Variants in SLC2A13 observed in about 807,000 individuals in gnomAD.
SLC2A13 encodes the protein solute carrier family 2 member 13, also known as proton myo-inositol cotransporter.
Under a neutral mutation model 64.4 loss-of-function variants are expected in SLC2A13, and 32 were observed. The observed-to-expected ratio is 0.50, with a 90% CI of 0.37 to 0.67. The LOEUF is 0.67. SLC2A13 is among the 30% of genes least tolerant of loss of function. The pLI is 0.00. For synonymous variants in SLC2A13, 338 were observed against 327.1 expected, an observed-to-expected ratio of 1.03 and a Z score of -0.36; for missense variants, 743 against 829.2, an observed-to-expected ratio of 0.90 and a Z score of 1.28.
chr12:39,965,312 T>C (rs1030282988), intron 3 of SLC2A13, among the ~76,000 whole-genome samples: 23 of 152,194 alleles, frequency 1.5e-4, no homozygotes, highest in African/African-American at 2.4e-4. Flanking sequence ...TGCTGGAACA[T>C]TAGTTTTAAT....
chr12:40,096,560 C>T (rs1161524374), intron 1 of SLC2A13, among the ~76,000 whole-genome samples: 1 of 151,758 alleles, frequency 6.6e-6, no homozygotes, highest in African/African-American at 2.4e-5. Context: ...GAAGATGAGA[C>T]CTAAATTTCA....
At position 39,756,356 on chromosome 12, in the gene SLC2A13, G is replaced by T. The variant is rs997412099; in HGVS notation, c.*3670C>A. ...GTCTTAATTTGGTAATTAAAAACTT[G>T]TCACAACAAGTGAATAAAAGTCAGT... is the stretch of plus-strand genomic sequence containing the variant. On this transcript the variant is annotated 3_prime_UTR_variant, in exon 10 of 10. Coordinates refer to ENST00000280871, the MANE Select transcript of SLC2A13 (RefSeq NM_052885.4). 2.0e-5 allele frequency: 3 copies of T among 151,824 alleles called. No homozygotes were observed. Among genetic ancestry groups the T allele is most frequent in the African/African-American group, 2.4e-5 (1 of 41,462 alleles). 9.4% of individuals were successfully genotyped at this position (151,824 alleles called of 1,614,324 possible). A position where few individuals can be genotyped will look rare whatever the true frequency, so the allele number is the denominator to read the frequency against.
chr12:39,972,207 C>T (rs1231474591), intron 3 of SLC2A13, among the ~76,000 whole-genome samples: 1 of 139,598 alleles, frequency 7.2e-6, no homozygotes, highest in African/African-American at 2.7e-5. Flanking sequence ...CACTGATGGT[C>T]AATTGTTATC....
intron 7 of SLC2A13, among the ~76,000 whole-genome samples, chr12:39,777,341 A>G (rs1292797967): frequency 2.0e-5 from 3 of 152,196 alleles, no homozygotes; most frequent in Non-Finnish European, 4.4e-5. Context: ...GATAAATAAA[A>G]TGAGTTTATT....
At chr12:39,811,291 T>C (rs1490994407) in intron 7 of SLC2A13, among the ~76,000 whole-genome samples, 1 of 152,044 alleles carries the variant, frequency 6.6e-6, no homozygotes, top group Non-Finnish European at 1.5e-5. Flanking sequence ...CATCTATTGC[T>C]TTTACATTTT....
At chr12:40,049,947 G>A (rs1041985283) in intron 1 of SLC2A13, among the ~76,000 whole-genome samples, 4 of 152,082 alleles carry the variant, frequency 2.6e-5, no homozygotes, top group Non-Finnish European at 5.9e-5. Flanking sequence ...TTACGACTTT[G>A]AGTTTCATAG....
rs374554136 is a variant in SLC2A13 at position 39,779,896 on chromosome 12, C to G, written c.1446-15038G>C. On this transcript the variant is annotated intron_variant, in intron 7 of 9. Transcript: ENST00000280871. ...CTGGCTCGTGTTTATCTGCAGGTGC[C>G]TGAGAATGAATGCAAGCTGATTTAT... Among the ~76,000 whole-genome samples, 31 of 152,304 alleles carry G rather than the reference C, an allele frequency of 2.0e-4. No individual in the cohort carries two copies. In the South Asian group the frequency reaches 6.4e-3, roughly 32 times the overall value.
At chr12:39,967,221 T>G (rs1051911630) in intron 3 of SLC2A13, among the ~76,000 whole-genome samples, 29 of 152,204 alleles carry the variant, frequency 1.9e-4, no homozygotes, top group African/African-American at 6.8e-4. Context: ...TTTCTACATA[T>G]TTTCATTGAT....
chr12:39,936,655 G>A (rs1193572103), intron 4 of SLC2A13, among the ~76,000 whole-genome samples: 1 of 152,166 alleles, frequency 6.6e-6, no homozygotes, highest in Non-Finnish European at 1.5e-5. Flanking sequence ...GGATACAAGA[G>A]ATATTAGGGA....
intron 3 of SLC2A13, among the ~76,000 whole-genome samples, chr12:39,991,646 G>A (rs1947140380): frequency 6.6e-6 from 1 of 152,118 alleles, no homozygotes; most frequent in African/African-American, 2.4e-5. Context: ...GTCCTCTGCT[G>A]CTTTGGACCC....
intron 4 of SLC2A13, among the ~76,000 whole-genome samples, chr12:39,948,518 T>C (rs965325156): frequency 1.8e-4 from 27 of 152,136 alleles, no homozygotes; most frequent in African/African-American, 6.3e-4. Flanking sequence ...AGTAAGATTA[T>C]ATAACACAAC....
Position 40,009,266 on chromosome 12 carries a change from G to C in SLC2A13, c.925+19035C>G, listed in dbSNP as rs919300767. Among the ~76,000 whole-genome samples, 3 of 152,064 alleles carry C rather than the reference G, an allele frequency of 2.0e-5. No individual in the cohort carries two copies. In the South Asian group the frequency reaches 6.2e-4, roughly 32 times the overall value. On this transcript the variant is annotated intron_variant, in intron 3 of 9. Transcript: ENST00000280871. Reference sequence around the variant, plus strand: ...CAAAGGGAGGCTGAATTTATTTATTGTTAACTTAAACTAATTAAAGAAGAA... The same window carrying C: ...CAAAGGGAGGCTGAATTTATTTATTCTTAACTTAAACTAATTAAAGAAGAA...
At chr12:39,771,189 G>C (rs1422599024) in intron 7 of SLC2A13, among the ~76,000 whole-genome samples, 1 of 152,148 alleles carries the variant, frequency 6.6e-6, no homozygotes, top group Non-Finnish European at 1.5e-5. Flanking sequence ...AGAGACTCTA[G>C]AGTAACCCTG....
At chr12:39,814,220 A>G (rs1469836697) in intron 7 of SLC2A13, among the ~76,000 whole-genome samples, 2 of 152,204 alleles carry the variant, frequency 1.3e-5, no homozygotes. Context: ...TTTTAATGTC[A>G]TTGCTTTACC....
intron 4 of SLC2A13, among the ~76,000 whole-genome samples, chr12:39,936,182 CCT>C (rs1945914401): frequency 6.6e-6 from 1 of 152,188 alleles, no homozygotes; most frequent in Admixed American, 6.5e-5. Context: ...GCAGGAAAAT[CCT>C]CTGTGCATCC....
chr12:39,820,906 T>C (rs1942486547), intron 7 of SLC2A13, among the ~76,000 whole-genome samples: 1 of 151,762 alleles, frequency 6.6e-6, no homozygotes, highest in Non-Finnish European at 1.5e-5. Context: ...ATATCAGAAT[T>C]TTATCTCCTG....
intron 4 of SLC2A13, among the ~76,000 whole-genome samples, chr12:39,913,456 AT>A (rs1565539130): frequency 6.6e-6 from 1 of 151,894 alleles, no homozygotes; most frequent in Non-Finnish European, 1.5e-5. Flanking sequence ...AATAAATACA[AT>A]AAGCATATAT....
chr12:39,983,029 C>G (rs1455629258), intron 3 of SLC2A13, among the ~76,000 whole-genome samples: 3 of 148,320 alleles, frequency 2.0e-5, no homozygotes, highest in Non-Finnish European at 4.5e-5. Flanking sequence ...CGCCGCATAC[C>G]TACAACTATC....
intron 4 of SLC2A13, among the ~76,000 whole-genome samples, chr12:39,931,379 C>A (rs549980172): frequency 6.6e-6 from 1 of 152,332 alleles, no homozygotes; most frequent in South Asian, 2.1e-4. Flanking sequence ...ACCAATGCCT[C>A]TGCTGTTGCC....
Sources: allele counts gnomAD v4.1 joint callset (sites outside exome capture counted in the v4.1 genomes callset), GRCh38; gene constraint gnomAD v4.1.1; transcripts MANE v1.5; gene names NCBI Gene and HGNC (gene_info 2026-07-23, HGNC 2026-07-21).